Variants in EVL observed in about 807,000 individuals in gnomAD.
EVL encodes Enah/Vasp-like.
A neutral mutation model predicts 59.6 loss-of-function variants in EVL; 21 were observed. The observed-to-expected ratio is 0.35, with a 90% CI of 0.25 to 0.51. EVL has a LOEUF of 0.51. Ranked by LOEUF, EVL falls within the 20% of genes least tolerant of loss-of-function variation. The probability of loss-of-function intolerance (pLI) is 0.97; values close to 1 mark genes in which losing one functional copy is unlikely to be tolerated. For missense variants in EVL, 462 were observed against 546.6 expected (o/e 0.85, Z 1.54); for synonymous variants, 198 against 203.5 (o/e 0.97, Z 0.23).
At chr14:100,079,906 C>T (rs1187792297) in intron 1 of EVL, among the ~76,000 whole-genome samples, 1 of 152,176 alleles carries the variant, frequency 6.6e-6, no homozygotes, top group Non-Finnish European at 1.5e-5. Context: ...TTTCTGCATC[C>T]TCCTGAGTAG....
chr14:100,054,340 A>G (rs2061693962), intron 1 of EVL, among the ~76,000 whole-genome samples: 1 of 152,184 alleles, frequency 6.6e-6, no homozygotes, highest in Non-Finnish European at 1.5e-5. Context: ...GGCGTGAGCC[A>G]GCGTGCCCGG....
chr14:100,047,118 C>T (rs12590931), intron 1 of EVL, among the ~76,000 whole-genome samples: 13,430 of 22,986 alleles, frequency 0.58, 3,441 homozygotes, highest in South Asian at 0.73. Context: ...ATCTCTCTCT[C>T]TTTTTTTTTT....
rs536890391 is a variant in EVL at position 100,121,738 on chromosome 14, C to G, written c.359-1801C>G. Among the ~76,000 whole-genome samples the G allele has an allele frequency of 6.6e-5, 10 of 152,346 alleles. No homozygotes were observed. The East Asian group carries it at 7.7e-4, about 12-fold the overall frequency. On this transcript the variant is annotated intron_variant, in intron 3 of 13. Transcript: ENST00000392920. ...GGGGAATCCAAAGCACACAACCACA[C>G]AGGCCTGTGTGTGGGCAGCTGGCTG... is the stretch of plus-strand genomic sequence containing the variant.
In EVL at chr14:100,109,486, C is replaced by T; in HGVS notation, c.358+11828C>T. ...GGTGTCTGTTTCTGTGTCTCGGGAGCCCTGAAGAGAGACTGACACATCAGA... is the reference window on the plus strand; with the variant it reads ...GGTGTCTGTTTCTGTGTCTCGGGAGTCCTGAAGAGAGACTGACACATCAGA... On this transcript the variant is annotated intron_variant, in intron 3 of 13. Coordinates refer to ENST00000392920, the MANE Select transcript of EVL (RefSeq NM_016337.3). The surrounding 1 kb of genome is among the most constrained non-coding windows in gnomAD (Gnocchi z 4.3). 2.3e-6 allele frequency: 1 copy of T among 432,896 alleles called. No individual in the cohort carries two copies. Among genetic ancestry groups the T allele is most frequent in the Non-Finnish European group, 4.8e-6 (1 of 210,308 alleles). The allele number at this position is 432,896 out of a possible 1,614,324, so 26.8% of individuals were successfully genotyped here. A position where few individuals can be genotyped will look rare whatever the true frequency, so the allele number is the denominator to read the frequency against.
At chr14:100,040,571 G>C (rs2061454002) in intron 1 of EVL, among the ~76,000 whole-genome samples, 1 of 152,154 alleles carries the variant, frequency 6.6e-6, no homozygotes, top group Admixed American at 6.5e-5. Flanking sequence ...TGAGAAAGGA[G>C]GTCTTCCTTT....
chr14:100,085,092 C>T (rs1005257920), intron 2 of EVL: 1 of 416,852 alleles, frequency 2.4e-6, no homozygotes, highest in Non-Finnish European at 4.3e-6. Context: ...AATCCGCACC[C>T]TGCCTATTTC....
At chr14:100,131,584 C>G (rs1171103272) in intron 7 of EVL, among the ~76,000 whole-genome samples, 1 of 152,208 alleles carries the variant, frequency 6.6e-6, no homozygotes, top group Admixed American at 6.5e-5. Context: ...ATCCCGCCTA[C>G]ACTCCCCGTG....
intron 3 of EVL, among the ~76,000 whole-genome samples, chr14:100,100,497 C>T (rs1292572465): frequency 1.3e-5 from 2 of 152,094 alleles, no homozygotes; most frequent in Non-Finnish European, 2.9e-5. Flanking sequence ...GTTCCCAGTG[C>T]CAGACCGAGA....
chr14:100,132,616 A>G (rs1189221803), intron 7 of EVL, 103 bp from the exon 8 acceptor site: 1 of 1,299,436 alleles, frequency 7.7e-7, no homozygotes, highest in African/African-American at 1.5e-5. Context: ...ACACAGGTTT[A>G]TCTGAGGACC....
chr14:100,008,203 T>G (rs2060995580), intron 1 of EVL, among the ~76,000 whole-genome samples: 1 of 152,094 alleles, frequency 6.6e-6, no homozygotes, highest in Admixed American at 6.5e-5. Context: ...ATGCACTAAT[T>G]CTGGGGCGGG....
At chr14:100,054,752 C>T (rs1316155283) in intron 1 of EVL, among the ~76,000 whole-genome samples, 1 of 152,200 alleles carries the variant, frequency 6.6e-6, no homozygotes, top group Non-Finnish European at 1.5e-5. Context: ...CCCCGTGGCC[C>T]TGCATGTTGT....
In EVL at chr14:100,108,405, G is replaced by A. The variant is rs1473774662; in HGVS notation, c.358+10747G>A. On this transcript the variant is annotated intron_variant, in intron 3 of 13. Coordinates refer to ENST00000392920, the MANE Select transcript of EVL (RefSeq NM_016337.3). This position sits in a 1 kb window ranked among gnomAD's most constrained non-coding sequence, Gnocchi z 4.1. ...CTGCCGAGGCCATTTGACACCTTGT[G>A]CCACCTGAGAGAAAGCAGGCCCAGC... Among the ~76,000 whole-genome samples, 3 of 152,182 alleles carry A rather than the reference G, an allele frequency of 2.0e-5. No homozygotes were observed. The highest frequency in any genetic ancestry group is 2.9e-5 in the Non-Finnish European group (2 of 68,024).
In EVL at chr14:100,078,824, A is replaced by T. The variant is rs112727215; in HGVS notation, c.12-5863A>T. Among the ~76,000 whole-genome samples, 319 of 152,296 alleles carry T rather than the reference A, an allele frequency of 2.1e-3. 3 individuals carry two copies. Among genetic ancestry groups the T allele is most frequent in the Middle Eastern group, 0.014 (4 of 294 alleles). ...CTACCTCCTAGGAAACCCTTCTGTT[A>T]TGGGCAAATGCTGGTTCACAGTCCT... On this transcript the variant is annotated intron_variant, in intron 1 of 13. Transcript: ENST00000392920.
At chr14:100,133,949 AAACAAC>A (rs139375937) in intron 8 of EVL, among the ~76,000 whole-genome samples, 1 of 151,808 alleles carries the variant, frequency 6.6e-6, no homozygotes, top group Non-Finnish European at 1.5e-5. Context: ...AAAACAAAAC[AAACAAC>A]AACAACAAAA....
intron 1 of EVL, among the ~76,000 whole-genome samples, chr14:99,973,250 A>G (rs2060747226): frequency 6.6e-6 from 1 of 152,206 alleles, no homozygotes; most frequent in African/African-American, 2.4e-5. Context: ...CTTACCAAAA[A>G]ATGTGTGAGA....
intron 2 of EVL, among the ~76,000 whole-genome samples, chr14:100,091,191 GC>G (rs986949215): frequency 2.6e-5 from 4 of 152,052 alleles, no homozygotes; most frequent in Non-Finnish European, 5.9e-5. Flanking sequence ...CCTTTCACCT[GC>G]CCCTTTTCTC....
At chr14:100,131,537 A>C (rs1001866864) in intron 7 of EVL, among the ~76,000 whole-genome samples, 3 of 152,264 alleles carry the variant, frequency 2.0e-5, no homozygotes, top group Admixed American at 2.0e-4. Flanking sequence ...GAACGTGGAC[A>C]GAAAGCTCCT....
intron 1 of EVL, among the ~76,000 whole-genome samples, chr14:100,073,021 C>T (rs1416192575): frequency 7.9e-5 from 12 of 152,070 alleles, no homozygotes; most frequent in Non-Finnish European, 1.2e-4. Context: ...AGTTCTGATG[C>T]GGCTGTGATT....
chr14:100,106,684 A>G (rs1045534947), intron 3 of EVL: 11 of 397,392 alleles, frequency 2.8e-5, no homozygotes, highest in Non-Finnish European at 4.9e-5. Flanking sequence ...AAAACATTAT[A>G]ATAAAAAGAG....
Sources: gnomAD v4.1 joint callset for allele counts (sites outside exome capture counted in the v4.1 genomes callset) on GRCh38, gnomAD v4.1.1 for gene constraint, Gnocchi (gnomAD v3.1) non-coding constraint, MANE v1.5 for transcripts, NCBI Gene and HGNC (gene_info 2026-07-23, HGNC 2026-07-21) for gene names.